The following GRM7 variants were observed in gnomAD, a reference collection of about 807,000 sequenced individuals.
GRM7 encodes metabotropic glutamate receptor 7.
GRM7 carries 35 observed loss-of-function variants against 84.5 expected under a neutral mutation model. The ratio of observed to expected loss-of-function variants is 0.41; its 90% CI spans 0.32 to 0.55. GRM7 has a LOEUF of 0.55. GRM7 is among the 20% of genes least tolerant of loss of function. The pLI is 0.19. For missense variants in GRM7, 1,003 were observed against 1,194.6 expected (o/e 0.84, Z 2.36); for synonymous variants, 487 against 455.1 (o/e 1.07, Z -0.89).
Position 7,100,844 on chromosome 3 carries a change from T to A in GRM7, c.520-45608T>A, listed in dbSNP as rs1699087227. On this transcript the variant is annotated intron_variant, in intron 1 of 9. Transcript: ENST00000357716. The stretch of plus-strand genomic sequence containing the variant: ...TGTTCTGACACTGTGATAGATTTGG[T>A]TTGCCTAGTCTTGCAATCTCTTGTA... Among the ~76,000 whole-genome samples the A allele has an allele frequency of 2.6e-5, 4 of 152,016 alleles. No individual in the cohort carries two copies. The South Asian group carries it at 8.3e-4, about 31-fold the overall frequency.
chr3:7,139,482 G>A (rs1693876230), intron 1 of GRM7, among the ~76,000 whole-genome samples: 1 of 151,816 alleles, frequency 6.6e-6, no homozygotes. Flanking sequence ...AATGCCTAGG[G>A]GAAATTTTGA....
At chr3:6,889,820 C>T (rs1695860479) in intron 1 of GRM7, among the ~76,000 whole-genome samples, 1 of 152,098 alleles carries the variant, frequency 6.6e-6, no homozygotes, top group African/African-American at 2.4e-5. Flanking sequence ...CCAGTTCCTC[C>T]TTGTACTTCT....
intron 4 of GRM7, among the ~76,000 whole-genome samples, chr3:7,377,727 A>G (rs1317547681): frequency 6.6e-6 from 1 of 152,198 alleles, no homozygotes; most frequent in Non-Finnish European, 1.5e-5. Context: ...AAAGACACCA[A>G]TTCTTCAAGC....
rs367878889 is a variant in GRM7 at position 7,121,584 on chromosome 3, T to C, written c.520-24868T>C. 1.2e-3 allele frequency among the ~76,000 whole-genome samples: 183 copies of C among 152,252 alleles called. 3 individuals carry two copies. Among genetic ancestry groups the C allele is most frequent in the Non-Finnish European group, 1.6e-3 (106 of 68,020 alleles). ...CTTCAACATTATCCCCCTTTCCTCC[T>C]AATTTAGATTCTTTTCTATCTCCCT... On this transcript the variant is annotated intron_variant, in intron 1 of 9. Coordinates refer to ENST00000357716, the MANE Select transcript of GRM7 (RefSeq NM_000844.4).
intron 4 of GRM7, among the ~76,000 whole-genome samples, chr3:7,367,688 G>A (rs1575228586): frequency 1.3e-5 from 2 of 151,688 alleles, no homozygotes; most frequent in Admixed American, 1.3e-4. Flanking sequence ...TGTTTTAACA[G>A]TGTAGTGTGG....
At chr3:7,256,739 T>A (rs7640105) in intron 2 of GRM7, among the ~76,000 whole-genome samples, 5,106 of 152,188 alleles carry the variant, frequency 0.034, 280 homozygotes, top group African/African-American at 0.12. Flanking sequence ...GCCTTGGAAA[T>A]GCAAAGATGA....
In GRM7 at chr3:6,861,531, A is replaced by G; in HGVS notation, c.143A>G (p.Asp48Gly). The G allele has an allele frequency of 1.3e-6, 2 of 1,579,842 alleles. No homozygotes were observed. Among genetic ancestry groups the G allele is most frequent in the Admixed American group, 1.8e-5 (1 of 55,178 alleles). ...CCGCACTCAATCCGGATCGAGGGGG[A>G]CGTCACCCTCGGGGGGCTGTTCCCC... ...YAPHSIRIEG[D>G]VTLGGLFPVH... Residue 48 changes from aspartate (D) to glycine (G), a missense_variant, in exon 1 of 10, where the codon GAC becomes GGC. By Grantham distance (94) the Asp-to-Gly change is moderately conservative (BLOSUM62 -1). Coordinates refer to ENST00000357716, the MANE Select transcript of GRM7 (RefSeq NM_000844.4). The surrounding 1 kb of genome is among the most constrained non-coding windows in gnomAD (Gnocchi z 6.4).
intron 7 of GRM7, among the ~76,000 whole-genome samples, chr3:7,515,742 C>T (rs926948785): frequency 1.3e-5 from 2 of 152,094 alleles, no homozygotes; most frequent in African/African-American, 4.8e-5. Context: ...CTTTAGAACG[C>T]CATAATCTCA....
chr3:7,444,581 C>G (rs183994975), intron 5 of GRM7, among the ~76,000 whole-genome samples: 27 of 152,250 alleles, frequency 1.8e-4, no homozygotes, highest in Middle Eastern at 3.4e-3. Flanking sequence ...CCATAAAGTC[C>G]TTGGTGGAGT....
chr3:7,423,484 C>T (rs951428449), intron 5 of GRM7, among the ~76,000 whole-genome samples: 1 of 152,134 alleles, frequency 6.6e-6, no homozygotes, highest in Non-Finnish European at 1.5e-5. Flanking sequence ...AAACAAAGTG[C>T]CCTTATAAGC....
intron 7 of GRM7, among the ~76,000 whole-genome samples, chr3:7,555,401 C>A (rs963973445): frequency 6.6e-6 from 1 of 152,176 alleles, no homozygotes; most frequent in African/African-American, 2.4e-5. Flanking sequence ...CTTCCCCTAA[C>A]TTTCTGGTTT....
chr3:7,598,300 G>T (rs768001313), intron 8 of GRM7, among the ~76,000 whole-genome samples: 3 of 152,120 alleles, frequency 2.0e-5, no homozygotes, highest in Non-Finnish European at 4.4e-5. Flanking sequence ...CCTTTGCTTT[G>T]CAGGAGCAGG....
chr3:7,148,710 T>C (rs1694183976), intron 2 of GRM7, among the ~76,000 whole-genome samples: 1 of 152,192 alleles, frequency 6.6e-6, no homozygotes, highest in South Asian at 2.1e-4. Flanking sequence ...GATGCTCTTA[T>C]AATATGATCT....
intron 7 of GRM7, among the ~76,000 whole-genome samples, chr3:7,531,363 C>T (rs1029466815): frequency 6.6e-6 from 1 of 151,382 alleles, no homozygotes; most frequent in African/African-American, 2.4e-5. Flanking sequence ...AGTATATTAG[C>T]GGGATGGGGA....
At chr3:7,709,851 T>G (rs1313146170) in intron 9 of GRM7, among the ~76,000 whole-genome samples, 2 of 152,084 alleles carry the variant, frequency 1.3e-5, no homozygotes, top group Non-Finnish European at 2.9e-5. Flanking sequence ...CAGAAGACAA[T>G]GAGTGCCAGT....
chr3:7,346,315 C>T (rs1414030619), intron 4 of GRM7, among the ~76,000 whole-genome samples: 1 of 152,104 alleles, frequency 6.6e-6, no homozygotes, highest in Non-Finnish European at 1.5e-5. Flanking sequence ...AATAACCCAC[C>T]TCAGTTTTCC....
chr3:7,286,487 G>T (rs1284125067), intron 2 of GRM7, among the ~76,000 whole-genome samples: 1 of 151,872 alleles, frequency 6.6e-6, no homozygotes, highest in Non-Finnish European at 1.5e-5. Flanking sequence ...CAAAAGCTTT[G>T]GTTTTATTTT....
At chr3:7,092,420 G>C (rs1369475538) in intron 1 of GRM7, among the ~76,000 whole-genome samples, 8 of 151,914 alleles carry the variant, frequency 5.3e-5, no homozygotes. Flanking sequence ...AATGAGTCTC[G>C]GGCAATTGAC....
chr3:6,996,359 A>C (rs1694830889), intron 1 of GRM7, among the ~76,000 whole-genome samples: 1 of 152,116 alleles, frequency 6.6e-6, no homozygotes, highest in Non-Finnish European at 1.5e-5. Flanking sequence ...AATTCTACAA[A>C]TTTTTAATAG....
Sources: allele counts gnomAD v4.1 joint callset (sites outside exome capture counted in the v4.1 genomes callset), GRCh38; gene constraint gnomAD v4.1.1; non-coding constraint Gnocchi (gnomAD v3.1); transcripts MANE v1.5; gene names NCBI Gene and HGNC (gene_info 2026-07-23, HGNC 2026-07-21).